Variants in EDN3 observed in about 807,000 individuals in gnomAD.
EDN3 encodes endothelin-3.
A neutral mutation model predicts 21.4 loss-of-function variants in EDN3; 9 were observed. That is an observed-to-expected ratio of 0.42 (90% CI 0.25 to 0.73). The LOEUF is 0.73. Ranked by LOEUF, EDN3 falls within the 30% of genes least tolerant of loss-of-function variation. The pLI, the probability that EDN3 is intolerant of heterozygous loss-of-function variation, is 0.26. For synonymous variants in EDN3, 133 were observed against 126.2 expected, an observed-to-expected ratio of 1.05 and a Z score of -0.36; for missense variants, 327 against 309.4, an observed-to-expected ratio of 1.06 and a Z score of -0.43.
At chr20:59,300,977 G>A in intron 1 of EDN3, 113 bp downstream of exon 1, 1 of 1,307,362 alleles carries the variant, frequency 7.6e-7, no homozygotes, top group Non-Finnish European at 1.1e-6. Flanking sequence ...ACTCTTGCCT[G>A]GGCTCTGCAC....
intron 2 of EDN3, among the ~76,000 whole-genome samples, chr20:59,306,887 A>G (rs1989470572): frequency 6.6e-6 from 1 of 152,134 alleles, no homozygotes; most frequent in East Asian, 1.9e-4. Context: ...GCTCACACCT[A>G]TAAACCCAAC....
chr20:59,324,408 C>T lies in EDN3; in HGVS notation c.666C>T (p.Ala222=), dbSNP rs1990725413. 2 of 1,614,044 alleles carry T rather than the reference C, an allele frequency of 1.2e-6. No individual in the cohort carries two copies. The highest frequency in any genetic ancestry group is 1.3e-5 in the African/African-American group (1 of 74,910). Residue 222 remains alanine, a synonymous_variant, in exon 5 of 5, where the codon GCC becomes GCT. Transcript: ENST00000337938. The stretch of plus-strand genomic sequence containing the variant: ...AGCTCATGCCCGGCAGTGGACTCGC[C>T]CTCGCTCCATCTACCTGCCCCCGCT... ...HPKLMPGSGL[A]LAPSTCPRCL...
In EDN3 at chr20:59,305,402, C is replaced by T. The variant is rs1427360269; in HGVS notation, c.365+3680C>T. ...GTACACTGCGGCTGTCCTCTATGAG[C>T]AGACTGAAGAAACAGATACCAGGTA... is the stretch of plus-strand genomic sequence containing the variant. On this transcript the variant is annotated intron_variant, in intron 2 of 4. Coordinates refer to ENST00000337938, the MANE Select transcript of EDN3 (RefSeq NM_207034.3). This position sits in a 1 kb window ranked among gnomAD's most constrained non-coding sequence, Gnocchi z 4.2. Among the ~76,000 whole-genome samples the T allele has an allele frequency of 6.6e-6, 1 of 152,198 alleles. No homozygotes were observed.
At chr20:59,320,165 G>A (rs542386300) in intron 2 of EDN3, among the ~76,000 whole-genome samples, 4 of 152,294 alleles carry the variant, frequency 2.6e-5, no homozygotes, top group Non-Finnish European at 4.4e-5. Context: ...TTCATCACGC[G>A]GCTCTTCTGA....
intron 2 of EDN3, among the ~76,000 whole-genome samples, chr20:59,318,651 C>T (rs896575507): frequency 3.6e-4 from 55 of 152,322 alleles, no homozygotes; most frequent in African/African-American, 1.2e-3. Flanking sequence ...GGGAGGGGGC[C>T]GTGCCTCTCT....
chr20:59,313,199 TATTC>T (rs770800360), intron 2 of EDN3, among the ~76,000 whole-genome samples: 2 of 152,212 alleles, frequency 1.3e-5, no homozygotes, highest in Non-Finnish European at 2.9e-5. Flanking sequence ...ATTTGGACCC[TATTC>T]ATTCATTCGT....
chr20:59,317,549 A>T (rs1461464581), intron 2 of EDN3, among the ~76,000 whole-genome samples: 1 of 152,200 alleles, frequency 6.6e-6, no homozygotes, highest in African/African-American at 2.4e-5. Context: ...CAGTATTACC[A>T]GGTCATGTGT....
chr20:59,300,857 C>G lies in EDN3; in HGVS notation c.45C>G (p.Ser15=), dbSNP rs1988953141. 2 of 1,611,250 alleles carry G rather than the reference C, an allele frequency of 1.2e-6. No homozygotes were observed. Among genetic ancestry groups the G allele is most frequent in the East Asian group, 4.5e-5 (2 of 44,850 alleles). ...TCCTTTTCGGGCTCACAGTGACCTC[C>G]GCCGCAGGTAAGCGCACGGGGCGGC... ...LWLLFGLTVT[S]AAGFVPCSQS... Residue 15 remains serine (S), a synonymous_variant, in exon 1 of 5, where the codon TCC becomes TCG. Coordinates refer to ENST00000337938, the MANE Select transcript of EDN3 (RefSeq NM_207034.3).
At chr20:59,318,196 G>T (rs916876346) in intron 2 of EDN3, among the ~76,000 whole-genome samples, 1 of 152,238 alleles carries the variant, frequency 6.6e-6, no homozygotes, top group Non-Finnish European at 1.5e-5. Context: ...GCTGCTTACA[G>T]GATGTAGGGT....
intron 2 of EDN3, among the ~76,000 whole-genome samples, chr20:59,302,218 C>G (rs777838740): frequency 6.6e-6 from 1 of 152,166 alleles, no homozygotes; most frequent in South Asian, 2.1e-4. Context: ...ACAGTCCACT[C>G]GGGGTAGAAT....
At chr20:59,303,182 G>C (rs970162132) in intron 2 of EDN3, among the ~76,000 whole-genome samples, 2 of 152,156 alleles carry the variant, frequency 1.3e-5, no homozygotes, top group African/African-American at 4.8e-5. Context: ...TTTCTCCTGG[G>C]TCCCATAAAT....
intron 2 of EDN3, among the ~76,000 whole-genome samples, chr20:59,309,140 C>G (rs1989629102): frequency 6.6e-6 from 1 of 152,146 alleles, no homozygotes; most frequent in Non-Finnish European, 1.5e-5. Context: ...TGAAAGTTTT[C>G]AGTAATGGGG....
rs543246691 is a variant in EDN3 at position 59,301,839 on chromosome 20, G to A, written c.365+117G>A. On this transcript the variant is annotated intron_variant, in intron 2 of 4. Transcript: ENST00000337938. Reference sequence around the variant, plus strand: ...CTCAGTTAGCCCAGAGCCTGCCCTGGCACAGCCTTTAGCTCTTGCTGGGGC... The same window carrying A: ...CTCAGTTAGCCCAGAGCCTGCCCTGACACAGCCTTTAGCTCTTGCTGGGGC... 9 of 1,229,868 alleles carry A rather than the reference G, an allele frequency of 7.3e-6. No individual in the cohort carries two copies. The African/African-American group carries it at 8.9e-5, about 12-fold the overall frequency. The allele number at this position is 1,229,868 out of a possible 1,614,324, so 76.2% of individuals were successfully genotyped here.
Position 59,320,998 on chromosome 20 carries a change from A to G in EDN3, c.366-19A>G, listed in dbSNP as rs1449281046. 3 of 1,614,046 alleles carry G rather than the reference A, an allele frequency of 1.9e-6. No individual in the cohort carries two copies. Among genetic ancestry groups the G allele is most frequent in the Non-Finnish European group, 2.5e-6 (3 of 1,180,004 alleles). On this transcript the variant is annotated intron_variant, in intron 2 of 4. Transcript: ENST00000337938. Reference sequence around the variant, plus strand: ...GGAGGCCTGGGTGTGCTCACCTAACATTACCCTGTGCTTTGCAGACAGACG... The same window carrying G: ...GGAGGCCTGGGTGTGCTCACCTAACGTTACCCTGTGCTTTGCAGACAGACG...
intron 2 of EDN3, 76 bp from the exon 3 acceptor site, chr20:59,320,941 C>T (rs1268904870): frequency 1.3e-6 from 2 of 1,531,356 alleles, no homozygotes; most frequent in Non-Finnish European, 9.0e-7. Flanking sequence ...GGCGGTGGTT[C>T]TCGCTCCACA....
At chr20:59,321,980 A>G (rs937437763) in intron 3 of EDN3, among the ~76,000 whole-genome samples, 1 of 152,134 alleles carries the variant, frequency 6.6e-6, no homozygotes, top group Non-Finnish European at 1.5e-5. Context: ...GGCCCTTTCA[A>G]AACCCTTCCT....
intron 2 of EDN3, among the ~76,000 whole-genome samples, chr20:59,316,910 G>C (rs1280799985): frequency 6.6e-6 from 1 of 152,172 alleles, no homozygotes; most frequent in Non-Finnish European, 1.5e-5. Flanking sequence ...AGGATATTTG[G>C]ATTAATCTTC....
At chr20:59,315,453 A>T (rs1343804137) in intron 2 of EDN3, among the ~76,000 whole-genome samples, 1 of 152,268 alleles carries the variant, frequency 6.6e-6, no homozygotes, top group Non-Finnish European at 1.5e-5. Context: ...GAAGCAGATC[A>T]TCAACTTGAC....
intron 2 of EDN3, among the ~76,000 whole-genome samples, chr20:59,311,575 T>G (rs1184306219): frequency 6.6e-6 from 1 of 152,100 alleles, no homozygotes; most frequent in East Asian, 1.9e-4. Context: ...GGCTAATGCA[T>G]TATAATTAGC....
Sources: gnomAD v4.1 joint callset for allele counts (sites outside exome capture counted in the v4.1 genomes callset) on GRCh38, gnomAD v4.1.1 for gene constraint, Gnocchi (gnomAD v3.1) non-coding constraint, MANE v1.5 for transcripts, NCBI Gene and HGNC (gene_info 2026-07-23, HGNC 2026-07-21) for gene names.